The following GPHN variants were observed in gnomAD, a reference collection of about 807,000 sequenced individuals.
GPHN encodes the protein gephyrin.
GPHN carries 17 observed loss-of-function variants against 95.5 expected under a neutral mutation model. That is an observed-to-expected ratio of 0.18 (90% CI 0.12 to 0.27). The LOEUF (loss-of-function observed/expected upper bound fraction) is 0.27. Ranked by LOEUF, GPHN falls within the 10% of genes least tolerant of loss-of-function variation. The probability of loss-of-function intolerance (pLI) is 1.00; values close to 1 mark genes in which losing one functional copy is unlikely to be tolerated. For synonymous variants in GPHN, 320 were observed against 322.5 expected, an observed-to-expected ratio of 0.99 and a Z score of 0.08; for missense variants, 660 against 978.1, an observed-to-expected ratio of 0.67 and a Z score of 4.34.
At chr14:66,766,096 A>T (rs2058952586) in intron 2 of GPHN, among the ~76,000 whole-genome samples, 1 of 152,172 alleles carries the variant, frequency 6.6e-6, no homozygotes, top group South Asian at 2.1e-4. Flanking sequence ...ATTTACCCTA[A>T]CTTTTTCCCT....
intron 9 of GPHN, among the ~76,000 whole-genome samples, chr14:67,002,954 A>C (rs573050220): frequency 1.4e-4 from 21 of 151,756 alleles, no homozygotes; most frequent in African/African-American, 5.1e-4. Context: ...CTATCAACTT[A>C]ACCTGACATC....
At chr14:66,736,814 A>C (rs1219996320) in intron 2 of GPHN, among the ~76,000 whole-genome samples, 1 of 152,170 alleles carries the variant, frequency 6.6e-6, no homozygotes, top group African/African-American at 2.4e-5. Context: ...CTCTTCTGAA[A>C]CTTCTGCAGT....
chr14:67,208,150 T>C, the GPHN span: 1 of 1,603,044 alleles, frequency 6.2e-7, no homozygotes, highest in South Asian at 1.1e-5. Flanking sequence ...CAAACACCTA[T>C]TACCTGATGC....
the GPHN span, among the ~76,000 whole-genome samples, chr14:67,520,892 C>T: frequency 6.6e-6 from 1 of 152,230 alleles, no homozygotes; most frequent in Non-Finnish European, 1.5e-5. Context: ...AATTTCCAAA[C>T]TGTCTTCCAA....
chr14:67,623,133 A>G, the GPHN span, among the ~76,000 whole-genome samples: 1 of 152,168 alleles, frequency 6.6e-6, no homozygotes, highest in African/African-American at 2.4e-5. Flanking sequence ...GCTCAGTATC[A>G]CCAGCAGTCT....
chr14:67,271,375 T>C, the GPHN span: 1 of 152,222 alleles, frequency 6.6e-6, no homozygotes, highest in African/African-American at 2.4e-5. Flanking sequence ...TAGGTTCATA[T>C]TCTGAAGCCT....
chr14:67,134,946 C>CTTTTT (rs1191759117), intron 17 of GPHN, among the ~76,000 whole-genome samples: 1 of 59,158 alleles, frequency 1.7e-5, no homozygotes, highest in Non-Finnish European at 3.6e-5. Context: ...CTCTTTCTTT[C>CTTTTT]TTTCTTCTTT....
intron 3 of GPHN, among the ~76,000 whole-genome samples, chr14:66,790,207 T>G (rs2059923649): frequency 6.6e-6 from 1 of 152,206 alleles, no homozygotes; most frequent in African/African-American, 2.4e-5. Flanking sequence ...CTGCCAATAT[T>G]TCTGGCTTTT....
the GPHN span, among the ~76,000 whole-genome samples, chr14:67,476,797 G>A: frequency 6.6e-6 from 1 of 151,950 alleles, no homozygotes; most frequent in Non-Finnish European, 1.5e-5. Flanking sequence ...CCATCTCTTA[G>A]ACATACGTAC....
chr14:66,777,107 T>A (rs1396118276), intron 3 of GPHN, among the ~76,000 whole-genome samples: 295 of 147,990 alleles, frequency 2.0e-3, no homozygotes, highest in African/African-American at 6.8e-3. Flanking sequence ...GAGAGAAGAA[T>A]CAAATAGACG....
chr14:66,867,798 T>C (rs760646812), intron 4 of GPHN, among the ~76,000 whole-genome samples: 2 of 152,202 alleles, frequency 1.3e-5, no homozygotes, highest in Non-Finnish European at 1.5e-5. Flanking sequence ...CATAAAGTGA[T>C]TATAAAGATA....
the GPHN span, among the ~76,000 whole-genome samples, chr14:67,352,307 T>A: frequency 6.7e-6 from 1 of 149,908 alleles, no homozygotes; most frequent in East Asian, 2.0e-4. Context: ...TCGTCTCTAC[T>A]AAAAATAAAA....
At chr14:67,205,010 G>C in the GPHN span, 1 of 1,557,464 alleles carries the variant, frequency 6.4e-7, no homozygotes, top group Non-Finnish European at 8.7e-7. Context: ...GTCACAGACA[G>C]CTCTGATATT....
At chr14:66,663,811 A>T (rs552578519) in intron 1 of GPHN, among the ~76,000 whole-genome samples, 1 of 144,596 alleles carries the variant, frequency 6.9e-6, no homozygotes, top group Admixed American at 6.9e-5. Context: ...TGGAAAACAG[A>T]AAAAAGCAGG....
chr14:67,383,392 G>A, the GPHN span: 2 of 1,613,716 alleles, frequency 1.2e-6, no homozygotes, highest in Non-Finnish European at 1.7e-6. Flanking sequence ...ATGCCGAAGT[G>A]GATGGAGATG....
chr14:67,332,869 T>G, the GPHN span: 1 of 1,614,054 alleles, frequency 6.2e-7, no homozygotes, highest in East Asian at 2.2e-5. Flanking sequence ...TGAATTCCGA[T>G]CTTGATAAAG....
intron 3 of GPHN, among the ~76,000 whole-genome samples, chr14:66,777,986 G>A (rs1259769230): frequency 1.3e-5 from 2 of 152,206 alleles, no homozygotes; most frequent in African/African-American, 2.4e-5. Flanking sequence ...CAATCAGGCA[G>A]GAGAAGGAAA....
chr14:67,434,959 C>T, the GPHN span, among the ~76,000 whole-genome samples: 14 of 149,094 alleles, frequency 9.4e-5, no homozygotes, highest in Non-Finnish European at 1.6e-4. Flanking sequence ...CTCTCTTCCT[C>T]TTCTCTCTCT....
the GPHN span, among the ~76,000 whole-genome samples, chr14:67,629,315 G>C: frequency 6.6e-6 from 1 of 152,198 alleles, no homozygotes; most frequent in Admixed American, 6.5e-5. Context: ...CAGTCTGGCA[G>C]CATGGACAAC....
Sources: gnomAD v4.1 joint callset for allele counts (sites outside exome capture counted in the v4.1 genomes callset) on GRCh38, gnomAD v4.1.1 for gene constraint, MANE v1.5 for transcripts, NCBI Gene and HGNC (gene_info 2026-07-23, HGNC 2026-07-21) for gene names.